MAP2K3: variants seen among roughly 807,000 people sequenced by gnomAD.
The protein encoded by MAP2K3 is dual specificity mitogen-activated protein kinase kinase 3.
In MAP2K3, 30 loss-of-function variants were observed where a neutral mutation model predicts 46.4. The ratio of observed to expected loss-of-function variants is 0.65; its 90% CI spans 0.48 to 0.88. The LOEUF (loss-of-function observed/expected upper bound fraction) is 0.88. Ranked by LOEUF, MAP2K3 falls within the 40% of genes least tolerant of loss-of-function variation. The probability of loss-of-function intolerance (pLI) is 0.00; values close to 1 mark genes in which losing one functional copy is unlikely to be tolerated. For synonymous variants in MAP2K3, 189 were observed against 176.3 expected (o/e 1.07, Z -0.57); for missense variants, 380 against 464.5 (o/e 0.82, Z 1.67).
chr17:21,286,672 G>C (rs1490578583), intron 1 of MAP2K3, among the ~76,000 whole-genome samples: 1 of 152,206 alleles, frequency 6.6e-6, no homozygotes, highest in Non-Finnish European at 1.5e-5. Flanking sequence ...TGTTTTGGAG[G>C]CTTTTTAGCT....
At position 21,314,476 on chromosome 17, in the gene MAP2K3, C is replaced by A. The variant is rs886641546; in HGVS notation, c.*246C>A. ...TGCCTCTCCCTGCTGCTCCTAGGAC[C>A]CGTCTCCAGCTGCTGAGATCCTGGA... On this transcript the variant is annotated 3_prime_UTR_variant, in exon 12 of 12. Transcript: ENST00000342679. 1 of 537,046 alleles carries A rather than the reference C, an allele frequency of 1.9e-6. No homozygotes were observed. Among genetic ancestry groups the A allele is most frequent in the Non-Finnish European group, 3.4e-6 (1 of 297,146 alleles). 33.3% of individuals were successfully genotyped at this position (537,046 alleles called of 1,614,324 possible). A position where few individuals can be genotyped will look rare whatever the true frequency, so the allele number is the denominator to read the frequency against.
intron 1 of MAP2K3, among the ~76,000 whole-genome samples, chr17:21,296,442 C>G (rs1597809031): frequency 6.6e-6 from 1 of 152,312 alleles, no homozygotes; most frequent in Admixed American, 6.5e-5. Flanking sequence ...CTCTGCATCT[C>G]CAGACTCTGT....
chr17:21,289,379 C>T (rs1397322334), intron 1 of MAP2K3, among the ~76,000 whole-genome samples: 1 of 152,080 alleles, frequency 6.6e-6, no homozygotes, highest in Non-Finnish European at 1.5e-5. Flanking sequence ...CCTGGGCCAG[C>T]CCGGGAAGCA....
At chr17:21,289,101 G>A (rs187454067) in intron 1 of MAP2K3, among the ~76,000 whole-genome samples, 2 of 152,354 alleles carry the variant, frequency 1.3e-5, no homozygotes, top group Admixed American at 6.5e-5. Flanking sequence ...CAATGTGCTC[G>A]TAGGCGCTGT....
chr17:21,285,013 T>C, intron 1 of MAP2K3, 44 bp downstream of exon 1: 1 of 1,589,328 alleles, frequency 6.3e-7, no homozygotes, highest in South Asian at 1.1e-5. Context: ...CCGCGCCTAA[T>C]CTGGGGCCGG....
chr17:21,304,533 G>A lies in MAP2K3; in HGVS notation c.676G>A (p.Gly226Ser), dbSNP rs149487222. ...CTCTGTGGCCAAGACGATGGATGCC[G>A]GCTGCAAGCCCTACATGGCCGTGAG... ...VDSVAKTMDAGCKPYMAPERI... is the reference protein window; with the variant it reads ...VDSVAKTMDASCKPYMAPERI... The change falls in exon 8 of 12, where the codon GGC becomes AGC. Residue 226 changes from glycine to serine, a missense_variant. Around this residue, in one of 5 missense-constraint regions of MAP2K3, gnomAD observed 13 missense variants for 32.7 expected, o/e 0.40. Transcript: ENST00000342679. 139 of 1,614,164 alleles carry A rather than the reference G, an allele frequency of 8.6e-5. No individual in the cohort carries two copies. In the African/African-American group the frequency reaches 1.7e-3, roughly 20 times the overall value.
At chr17:21,310,485 G>A (rs1490462351) in intron 9 of MAP2K3, among the ~76,000 whole-genome samples, 7 of 152,156 alleles carry the variant, frequency 4.6e-5, no homozygotes, top group Non-Finnish European at 8.8e-5. Flanking sequence ...ACAGAGTCGG[G>A]AGAGTCCCCC....
chr17:21,287,994 ACT>A (rs1290622877), intron 1 of MAP2K3: 4 of 1,282,994 alleles, frequency 3.1e-6, no homozygotes, highest in Admixed American at 2.3e-5. Flanking sequence ...CGCACAGGAA[ACT>A]CTCTGTCAGC....
chr17:21,303,893 T>G (rs1360425699), intron 7 of MAP2K3, among the ~76,000 whole-genome samples: 4 of 152,306 alleles, frequency 2.6e-5, no homozygotes, highest in Non-Finnish European at 5.9e-5. Flanking sequence ...CTGGTCCTTT[T>G]TATGTGCATT....
intron 9 of MAP2K3, among the ~76,000 whole-genome samples, chr17:21,309,700 G>A (rs1273397527): frequency 4.6e-5 from 7 of 151,862 alleles, no homozygotes; most frequent in African/African-American, 9.7e-5. Flanking sequence ...TGCAACCTCC[G>A]CCTCCCAGGT....
intron 1 of MAP2K3, among the ~76,000 whole-genome samples, chr17:21,294,399 G>C (rs1976122561): frequency 6.6e-6 from 1 of 152,310 alleles, no homozygotes; most frequent in African/African-American, 2.4e-5. Context: ...GACTTTATGA[G>C]TGGAGGCGGA....
intron 9 of MAP2K3, among the ~76,000 whole-genome samples, chr17:21,309,840 G>C (rs1027108135): frequency 1.3e-5 from 2 of 151,974 alleles, no homozygotes; most frequent in African/African-American, 4.8e-5. Flanking sequence ...TCTCAAACTC[G>C]TGATCCACCC....
intron 1 of MAP2K3, chr17:21,295,616 T>C: frequency 7.8e-7 from 1 of 1,287,134 alleles, no homozygotes; most frequent in South Asian, 1.2e-5. Flanking sequence ...CTCTGACAGC[T>C]GGGTGGCTTC....
At chr17:21,308,178 C>T (rs1334933273) in intron 9 of MAP2K3, among the ~76,000 whole-genome samples, 2 of 135,536 alleles carry the variant, frequency 1.5e-5, no homozygotes, top group South Asian at 2.3e-4. Context: ...GAGGGAGTCT[C>T]ACTCTGTCGA....
intron 4 of MAP2K3, 64 bp from the exon 5 acceptor site, chr17:21,300,810 C>A (rs1976552917): frequency 6.2e-7 from 1 of 1,612,766 alleles, no homozygotes; most frequent in Non-Finnish European, 8.5e-7. Context: ...CCTGGCCCTC[C>A]TGTCATGAGT....
chr17:21,286,326 G>C (rs1283907825), intron 1 of MAP2K3, among the ~76,000 whole-genome samples: 1 of 152,262 alleles, frequency 6.6e-6, no homozygotes, highest in Non-Finnish European at 1.5e-5. Context: ...CGGGCACCTA[G>C]TGGGCACTTC....
intron 1 of MAP2K3, among the ~76,000 whole-genome samples, chr17:21,285,803 C>T (rs1333340707): frequency 6.6e-6 from 1 of 152,208 alleles, no homozygotes; most frequent in Admixed American, 6.5e-5. Flanking sequence ...TTGCTCTTCT[C>T]CAAGTAGCTG....
chr17:21,304,385 G>T, intron 7 of MAP2K3, 41 bp from the exon 8 acceptor site: 1 of 1,612,382 alleles, frequency 6.2e-7, no homozygotes, highest in African/African-American at 1.3e-5. Flanking sequence ...GCCTCCAGTC[G>T]TGCTCCACAG....
At chr17:21,298,606 T>C (rs1976403249) in intron 2 of MAP2K3, 127 bp downstream of exon 2, 1 of 1,479,142 alleles carries the variant, frequency 6.8e-7, no homozygotes, top group East Asian at 2.3e-5. Flanking sequence ...CAGCCCCTGC[T>C]GTGCATACAG....
Sources: gnomAD v4.1 joint callset for allele counts (sites outside exome capture counted in the v4.1 genomes callset) on GRCh38, gnomAD v4.1.1 for gene constraint, gnomAD v4.1.1 regional missense constraint, MANE v1.5 for transcripts, NCBI Gene and HGNC (gene_info 2026-07-23, HGNC 2026-07-21) for gene names.